DMD: variants seen among roughly 807,000 people sequenced by gnomAD.
DMD encodes mutant dystrophin.
Under a neutral mutation model 330.1 loss-of-function variants are expected in DMD, and 63 were observed. That is an observed-to-expected ratio of 0.19 (90% CI 0.16 to 0.24). The LOEUF is 0.24. Ranked by LOEUF, DMD falls within the 10% of genes least tolerant of loss-of-function variation. DMD has a pLI of 1.00. For synonymous variants in DMD, 1,223 were observed against 959.8 expected (o/e 1.27, Z -5.07); for missense variants, 3,344 against 2,684.1 (o/e 1.25, Z -5.43).
chrX:32,860,830 G>A (rs1471427338), intron 2 of DMD, among the ~76,000 whole-genome samples: 1 of 111,019 alleles, frequency 9.0e-6, no homozygotes, highest in Admixed American at 9.7e-5. Context: ...GACGACTTGT[G>A]GCATCATAGG....
At chrX:32,791,826 A>C (rs769581991) in intron 7 of DMD, among the ~76,000 whole-genome samples, 1 of 112,081 alleles carries the variant, frequency 8.9e-6, no homozygotes, top group Non-Finnish European at 1.9e-5. Flanking sequence ...TTAACAAAAT[A>C]ATAGATGAAA....
intron 1 of DMD, among the ~76,000 whole-genome samples, chrX:33,247,707 T>C (rs889224276): frequency 2.7e-5 from 3 of 112,103 alleles, no homozygotes; most frequent in Non-Finnish European, 5.6e-5. Flanking sequence ...TTTAAAAATA[T>C]ATGTGACTCA....
At chrX:31,281,298 AAG>A (rs1289496353) in intron 62 of DMD, among the ~76,000 whole-genome samples, 1 of 111,660 alleles carries the variant, frequency 9.0e-6, no homozygotes, top group Non-Finnish European at 1.9e-5. Flanking sequence ...ATATTCTCAA[AAG>A]AGAACTTGAA....
At chrX:32,663,217 T>A (rs927175765) in intron 9 of DMD, among the ~76,000 whole-genome samples, 6 of 111,190 alleles carry the variant, frequency 5.4e-5, no homozygotes, top group Non-Finnish European at 1.1e-4. Flanking sequence ...TGAGGAGAAA[T>A]AAGGGAATCA....
At chrX:32,354,519 T>C (rs1423297619) in intron 37 of DMD, among the ~76,000 whole-genome samples, 1 of 111,561 alleles carries the variant, frequency 9.0e-6, no homozygotes, top group Admixed American at 9.5e-5. Flanking sequence ...AGATACTACA[T>C]CTATGCTAGA....
intron 1 of DMD, among the ~76,000 whole-genome samples, chrX:33,137,576 C>A (rs759791271): frequency 8.9e-6 from 1 of 112,198 alleles, no homozygotes; most frequent in South Asian, 3.7e-4. Flanking sequence ...CATAGCATTT[C>A]TTTTTTATTT....
intron 1 of DMD, among the ~76,000 whole-genome samples, chrX:33,148,978 C>T (rs1236778025): frequency 9.1e-6 from 1 of 110,284 alleles, no homozygotes; most frequent in African/African-American, 3.3e-5. Context: ...GAATAGTGGT[C>T]CCCAGCCTTT....
At chrX:32,141,435 C>CAAAACA (rs201726305) in intron 44 of DMD, among the ~76,000 whole-genome samples, 6,990 of 96,090 alleles carry the variant, frequency 0.073, 394 homozygotes, top group African/African-American at 0.16. Flanking sequence ...GACTCCGTCT[C>CAAAACA]AAAACAAAAA....
chrX:31,666,916 T>C (rs752841016), intron 53 of DMD, among the ~76,000 whole-genome samples: 1 of 112,221 alleles, frequency 8.9e-6, no homozygotes, highest in African/African-American at 3.2e-5. Context: ...AAAACTGTGT[T>C]CATAAAACTT....
chrX:33,210,767 C>T (rs940940188), intron 1 of DMD, among the ~76,000 whole-genome samples: 6 of 111,197 alleles, frequency 5.4e-5, no homozygotes, highest in Admixed American at 1.9e-4. Flanking sequence ...TTCAATTATC[C>T]GTCCCAACTC....
rs770391290 is a variant in DMD, at chrX:32,346,052, T to G, written c.5477A>C (p.Glu1826Ala). ...TAAGTTGTCTCCTCTTTGCAACAAT[T>G]CTTTTACAGTACCCTCATTGTCTTC... ...MNEDNEGTVKELLQRGDNLQQ... is the reference protein window; with the variant it reads ...MNEDNEGTVKALLQRGDNLQQ... The change falls in exon 39 of 79, where the codon GAA becomes GCA. Residue 1826 changes from glutamate (E) to alanine (A), a missense_variant. Transcript: ENST00000357033. 2 of 1,208,187 alleles carry G rather than the reference T, an allele frequency of 1.7e-6. No homozygotes were observed. Among genetic ancestry groups the G allele is most frequent in the East Asian group, 5.9e-5 (2 of 33,649 alleles).
intron 2 of DMD, among the ~76,000 whole-genome samples, chrX:32,990,636 G>T (rs187961961): frequency 9.8e-4 from 109 of 111,588 alleles, no homozygotes; most frequent in Non-Finnish European, 1.6e-3. Context: ...AATTTAACAT[G>T]AAATGGTTCA....
intron 13 of DMD, among the ~76,000 whole-genome samples, chrX:32,588,417 C>T (rs1303816982): frequency 1.8e-5 from 2 of 111,267 alleles, no homozygotes; most frequent in Non-Finnish European, 3.8e-5. Flanking sequence ...CTGTTTAAAC[C>T]CGGTGGTATG....
At chrX:33,202,646 C>T (rs1317901220) in intron 1 of DMD, among the ~76,000 whole-genome samples, 3 of 111,890 alleles carry the variant, frequency 2.7e-5, no homozygotes, top group Non-Finnish European at 3.8e-5. Flanking sequence ...TGCAATCATT[C>T]TCTAATTCAC....
At chrX:31,279,362 T>G (rs763661305) in intron 62 of DMD, among the ~76,000 whole-genome samples, 1 of 112,206 alleles carries the variant, frequency 8.9e-6, no homozygotes, top group Admixed American at 9.4e-5. Flanking sequence ...CTTGAATATT[T>G]TGTGATATCT....
intron 1 of DMD, among the ~76,000 whole-genome samples, chrX:33,026,070 T>TCA (rs1301717141): frequency 9.1e-6 from 1 of 110,107 alleles, no homozygotes; most frequent in Middle Eastern, 4.4e-3. Flanking sequence ...GCGCAGTGGC[T>TCA]CACGCCTGTA....
chrX:33,327,714 C>A (rs181341903), intron 1 of DMD, among the ~76,000 whole-genome samples: 218 of 111,415 alleles, frequency 2.0e-3, no homozygotes, highest in African/African-American at 6.4e-3. Flanking sequence ...AAATCTGTAT[C>A]ACTAACTCAA....
At chrX:32,638,677 T>C (rs2059249501) in intron 11 of DMD, among the ~76,000 whole-genome samples, 1 of 112,005 alleles carries the variant, frequency 8.9e-6, no homozygotes, top group Non-Finnish European at 1.9e-5. Flanking sequence ...GAGTTTGAGA[T>C]TGTGCACCTC....
intron 41 of DMD, among the ~76,000 whole-genome samples, chrX:32,333,934 G>C (rs2097692989): frequency 9.0e-6 from 1 of 111,451 alleles, no homozygotes. Context: ...CCATAGCCCA[G>C]CTGTGTATTT....
Sources: gnomAD v4.1 joint callset for allele counts (sites outside exome capture counted in the v4.1 genomes callset) on GRCh38, gnomAD v4.1.1 for gene constraint, MANE v1.5 for transcripts, NCBI Gene and HGNC (gene_info 2026-07-23, HGNC 2026-07-21) for gene names.